BIK: variants seen among roughly 807,000 people sequenced by gnomAD.
The protein encoded by BIK is BCL2 interacting killer.
BIK carries 14 observed loss-of-function variants against 12.1 expected under a neutral mutation model. The ratio of observed to expected loss-of-function variants is 1.16; its 90% confidence interval spans 0.77 to 1.81. The LOEUF is 1.81. Among genes scored for constraint, BIK ranks in the 40% most tolerant of loss-of-function variants. The pLI, the probability that BIK is intolerant of heterozygous loss-of-function variation, is 0.00. For synonymous variants in BIK, 86 were observed against 92.3 expected, an observed-to-expected ratio of 0.93 and a Z score of 0.39; for missense variants, 215 against 207.9, an observed-to-expected ratio of 1.03 and a Z score of -0.21.
chr22:43,129,407 C>CT lies in BIK; in HGVS notation c.*107dup, dbSNP rs1290778949. 6.9e-7 allele frequency: 1 copy of CT among 1,447,252 alleles called. No individual in the cohort carries two copies. The highest frequency in any genetic ancestry group is 9.1e-7 in the Non-Finnish European group (1 of 1,100,492). The allele number at this position is 1,447,252 out of a possible 1,614,324, so 89.7% of individuals were successfully genotyped here. A position where few individuals can be genotyped will look rare whatever the true frequency, so the allele number is the denominator to read the frequency against. On this transcript the variant is annotated 3_prime_UTR_variant, in exon 5 of 5. Transcript: ENST00000216115. ...CTTTTTAACTGTTTTCTCATGATGC[C>CT]TTTTTATATTTAAACCCCGAGATAG...
chr22:43,118,188 A>G (rs1001530910), intron 1 of BIK, among the ~76,000 whole-genome samples: 2 of 152,096 alleles, frequency 1.3e-5, no homozygotes, highest in African/African-American at 4.8e-5. Context: ...ATGCATCCCT[A>G]GAAATCAAAG....
chr22:43,114,807 C>CT (rs1270524846), intron 1 of BIK, among the ~76,000 whole-genome samples: 1 of 152,232 alleles, frequency 6.6e-6, no homozygotes, highest in Non-Finnish European at 1.5e-5. Context: ...AGAATGAGAG[C>CT]TGCCTCTTAG....
In BIK at chr22:43,128,496, C is replaced by T. The variant is rs1454910778; in HGVS notation, c.261C>T (p.Ser87=). The part of the protein sequence containing the change: ...LAQLSEVAMH[S]LGLAFIYDQT... The stretch of plus-strand genomic sequence containing the variant: ...GTCCCCCCATCCTCTTTGTCTATAG[C>T]CTGGGTCTGGCTTTCATCTACGACC... The change falls in exon 4 of 5, where the codon AGC becomes AGT. Residue 87 remains serine, a splice_region_variant and synonymous_variant. Coordinates refer to ENST00000216115, the MANE Select transcript of BIK (RefSeq NM_001197.5). The T allele has an allele frequency of 5.0e-6, 8 of 1,613,436 alleles. No homozygotes were observed. The highest frequency in any genetic ancestry group is 3.3e-5 in the South Asian group (3 of 91,080).
At chr22:43,126,473 C>A (rs1930318646) in intron 2 of BIK, among the ~76,000 whole-genome samples, 1 of 152,032 alleles carries the variant, frequency 6.6e-6, no homozygotes, top group African/African-American at 2.4e-5. Context: ...AGGCGTGAGC[C>A]ACCACACCCG....
intron 3 of BIK, 37 bp downstream of exon 3, chr22:43,127,832 A>AG: frequency 6.5e-7 from 1 of 1,528,852 alleles, no homozygotes; most frequent in East Asian, 2.5e-5. Flanking sequence ...ACACCTGGGG[A>AG]GGGGCCCTGG....
At chr22:43,114,393 C>T (rs1202759749) in intron 1 of BIK, among the ~76,000 whole-genome samples, 3 of 152,130 alleles carry the variant, frequency 2.0e-5, no homozygotes, top group East Asian at 3.9e-4. Flanking sequence ...ACCTCTGCCT[C>T]CCGGGTTCAG....
intron 1 of BIK, among the ~76,000 whole-genome samples, chr22:43,115,619 C>T (rs532587267): frequency 2.3e-4 from 35 of 152,172 alleles, no homozygotes; most frequent in South Asian, 2.1e-3. Context: ...TGCGCCACCA[C>T]GCCTGGCTAG....
chr22:43,115,515 T>G (rs1262395290), intron 1 of BIK, among the ~76,000 whole-genome samples: 18 of 152,020 alleles, frequency 1.2e-4, no homozygotes, highest in Admixed American at 1.2e-3. Context: ...GGGGCTGGAG[T>G]GCAGTGGCGC....
At chr22:43,115,387 T>C (rs961756470) in intron 1 of BIK, among the ~76,000 whole-genome samples, 4 of 152,120 alleles carry the variant, frequency 2.6e-5, no homozygotes, top group African/African-American at 7.2e-5. Context: ...CCAGGGGCCG[T>C]ACCTGCCTCT....
intron 2 of BIK, among the ~76,000 whole-genome samples, chr22:43,124,987 G>T (rs900250593): frequency 6.6e-6 from 1 of 152,208 alleles, no homozygotes; most frequent in African/African-American, 2.4e-5. Flanking sequence ...TAAACAAGGG[G>T]TGGATTATTC....
At chr22:43,118,113 C>T (rs1208727087) in intron 1 of BIK, among the ~76,000 whole-genome samples, 2 of 152,026 alleles carry the variant, frequency 1.3e-5, no homozygotes, top group African/African-American at 2.4e-5. Flanking sequence ...GACAGCACAG[C>T]GGTGCCTGTG....
intron 1 of BIK, among the ~76,000 whole-genome samples, chr22:43,114,237 G>C (rs1019984269): frequency 6.6e-6 from 1 of 152,154 alleles, no homozygotes; most frequent in Non-Finnish European, 1.5e-5. Context: ...GCAGCAAAGA[G>C]AGAAAAGCTC....
chr22:43,115,031 TC>T (rs1157734362), intron 1 of BIK, among the ~76,000 whole-genome samples: 11 of 152,186 alleles, frequency 7.2e-5, no homozygotes, highest in Admixed American at 2.0e-4. Flanking sequence ...GCTGTCTGCA[TC>T]CTCTCACCGG....
chr22:43,123,562 C>T (rs566959165), intron 1 of BIK, among the ~76,000 whole-genome samples: 7 of 152,228 alleles, frequency 4.6e-5, no homozygotes, highest in Admixed American at 3.3e-4. Context: ...ACCAGCCTGG[C>T]CAACATGATG....
chr22:43,111,760 G>C (rs1419554471), intron 1 of BIK, among the ~76,000 whole-genome samples: 1 of 152,190 alleles, frequency 6.6e-6, no homozygotes, highest in South Asian at 2.1e-4. Context: ...GCTTCCCAGG[G>C]AGCATTGGTG....
In BIK at chr22:43,117,774, G is replaced by A. The variant is rs1454271359; in HGVS notation, c.-7-6242G>A. Among the ~76,000 whole-genome samples, 5 of 144,236 alleles carry A rather than the reference G, an allele frequency of 3.5e-5. No homozygotes were observed. In the East Asian group the frequency reaches 8.4e-4, roughly 24 times the overall value. The allele number at this position is 144,236 out of a possible 152,430, so 94.6% of individuals were successfully genotyped here. A position where few individuals can be genotyped will look rare whatever the true frequency, so the allele number is the denominator to read the frequency against. On this transcript the variant is annotated intron_variant, in intron 1 of 4. Transcript: ENST00000216115. ...CAAACTCCTCCTCCCAGGTTCAAGC[G>A]ATTCTCCTGCCTCAGCCACCCGAGT... is the stretch of plus-strand genomic sequence containing the variant.
intron 1 of BIK, among the ~76,000 whole-genome samples, chr22:43,114,934 C>A (rs908510196): frequency 6.6e-6 from 1 of 152,210 alleles, no homozygotes; most frequent in African/African-American, 2.4e-5. Flanking sequence ...AGTCCAGGGT[C>A]TCCCAGCCAG....
At chr22:43,129,073 A>T in intron 4 of BIK, 140 bp from the exon 5 acceptor site, 3 of 1,436,548 alleles carry the variant, frequency 2.1e-6, no homozygotes, top group Non-Finnish European at 2.9e-6. Context: ...CCCTCTCCTG[A>T]ACTCCTTCCT....
At chr22:43,116,582 C>T (rs1930117733) in intron 1 of BIK, among the ~76,000 whole-genome samples, 1 of 152,092 alleles carries the variant, frequency 6.6e-6, no homozygotes, top group Middle Eastern at 3.2e-3. Context: ...CCTCAGCCTC[C>T]CGAGTAGCTG....
Sources: allele counts gnomAD v4.1 joint callset (sites outside exome capture counted in the v4.1 genomes callset), GRCh38; gene constraint gnomAD v4.1.1; transcripts MANE v1.5; gene names NCBI Gene and HGNC (gene_info 2026-07-23, HGNC 2026-07-21).